The following PRUNE2 variants were observed in gnomAD, a reference collection of about 807,000 sequenced individuals.
PRUNE2 encodes prune homolog 2 with BCH domain.
A neutral mutation model predicts 252.0 loss-of-function variants in PRUNE2; 164 were observed. That is an observed-to-expected ratio of 0.65 (90% CI 0.57 to 0.74). The LOEUF is 0.74. Among genes scored for constraint, PRUNE2 ranks in the 30% least tolerant of loss-of-function variants. The probability of loss-of-function intolerance (pLI) is 0.00; values close to 1 mark genes in which losing one functional copy is unlikely to be tolerated. For synonymous variants in PRUNE2, 1,292 were observed against 1,350.2 expected (o/e 0.96, Z 0.94); for missense variants, 3,495 against 3,711.0 (o/e 0.94, Z 1.51).
At chr9:76,733,928 T>G (rs909676343) in intron 6 of PRUNE2, among the ~76,000 whole-genome samples, 2 of 151,904 alleles carry the variant, frequency 1.3e-5, no homozygotes, top group Admixed American at 1.3e-4. Context: ...TTTAGTTGTT[T>G]TTTTTTTTTC....
At chr9:76,620,282 G>T (rs930108815) in intron 17 of PRUNE2, among the ~76,000 whole-genome samples, 4 of 151,916 alleles carry the variant, frequency 2.6e-5, no homozygotes, top group African/African-American at 9.7e-5. Context: ...TGGGACTACA[G>T]CTGCATGCCA....
At chr9:76,797,843 C>T (rs566850264) in intron 6 of PRUNE2, among the ~76,000 whole-genome samples, 6 of 152,308 alleles carry the variant, frequency 3.9e-5, no homozygotes, top group African/African-American at 1.4e-4. Context: ...CATAAACATA[C>T]AGGCAGGGTC....
At chr9:76,840,118 T>C (rs568774124) in intron 4 of PRUNE2, among the ~76,000 whole-genome samples, 2 of 152,172 alleles carry the variant, frequency 1.3e-5, no homozygotes, top group South Asian at 2.1e-4. Flanking sequence ...TGTATAATAT[T>C]TAAAGTCTTG....
At chr9:76,616,319 C>G (rs1004409766) in intron 18 of PRUNE2, among the ~76,000 whole-genome samples, 7 of 152,152 alleles carry the variant, frequency 4.6e-5, no homozygotes, top group Non-Finnish European at 8.8e-5. Flanking sequence ...TTAAAAGGTC[C>G]TTCCTGTTCC....
At chr9:76,883,280 C>T (rs2061899056) in intron 1 of PRUNE2, among the ~76,000 whole-genome samples, 1 of 152,170 alleles carries the variant, frequency 6.6e-6, no homozygotes, top group Non-Finnish European at 1.5e-5. Context: ...CATCTTACTC[C>T]CCACAGTAAA....
At chr9:76,826,446 C>A in intron 5 of PRUNE2, 134 bp downstream of exon 5, 2 of 650,916 alleles carry the variant, frequency 3.1e-6, no homozygotes, top group Admixed American at 5.7e-5. Flanking sequence ...GCACTCCAGC[C>A]TGGGGGATAG....
Position 76,705,037 on chromosome 9 carries a change from C to G in PRUNE2, c.7237G>C (p.Glu2413Gln). ...EPAQSAETIE[E>Q]AGSPEDESLG... ...GATTCATCCTCTGGAGACCCAGCTT[C>G]CTCTATTGTTTCAGCACTCTGGGCA... Residue 2413 changes from glutamate (E) to glutamine (Q), a missense_variant, in exon 8 of 19, where the codon GAA becomes CAA. Physicochemically the swap from Glu to Gln is conservative, Grantham distance 29. Coordinates refer to ENST00000376718, the MANE Select transcript of PRUNE2 (RefSeq NM_015225.3). The G allele has an allele frequency of 6.2e-7, 1 of 1,613,974 alleles. No homozygotes were observed. Among genetic ancestry groups the G allele is most frequent in the Non-Finnish European group, 8.5e-7 (1 of 1,179,884 alleles).
chr9:76,824,646 C>T (rs547149309), intron 5 of PRUNE2, among the ~76,000 whole-genome samples: 1 of 152,222 alleles, frequency 6.6e-6, no homozygotes, highest in African/African-American at 2.4e-5. Context: ...AATTCTCGCG[C>T]TACATTATTA....
Position 76,707,175 on chromosome 9 carries a change from T to C in PRUNE2, c.5099A>G (p.Glu1700Gly). 1.2e-6 allele frequency: 2 copies of C among 1,613,996 alleles called. No individual in the cohort carries two copies. Among genetic ancestry groups the C allele is most frequent in the Non-Finnish European group, 1.7e-6 (2 of 1,179,886 alleles). The change falls in exon 8 of 19, where the codon GAA becomes GGA. Residue 1700 changes from glutamate to glycine, a missense_variant. Coordinates refer to ENST00000376718, the MANE Select transcript of PRUNE2 (RefSeq NM_015225.3). ...DSVGGEESIE[E>G]EIQVANCHVA... ...GTGGCAGTTGGCCACCTGGATCTCT[T>C]CCTCTATTGACTCTTCACCACCGAC...
At position 76,905,917 on chromosome 9, in the gene PRUNE2, A is replaced by G. The variant is rs747678300; in HGVS notation, c.36+11T>C. On this transcript the variant is annotated intron_variant, in intron 1 of 18. Transcript: ENST00000376718. ...CGCGCGCACACACACAGCTTTGCTC[A>G]CTCAACTTACCAGTTTAGATTTGGC... 5.0e-6 allele frequency: 8 copies of G among 1,614,020 alleles called. No individual in the cohort carries two copies. The highest frequency in any genetic ancestry group is 2.2e-5 in the East Asian group (1 of 44,848).
chr9:76,880,719 G>A (rs1178410594), intron 1 of PRUNE2, among the ~76,000 whole-genome samples: 2 of 152,224 alleles, frequency 1.3e-5, no homozygotes, highest in African/African-American at 2.4e-5. Context: ...TTATCTAGAA[G>A]TAAAAGCAAT....
At chr9:76,905,097 T>C (rs2063401832) in intron 1 of PRUNE2, among the ~76,000 whole-genome samples, 2 of 152,134 alleles carry the variant, frequency 1.3e-5, no homozygotes, top group South Asian at 4.1e-4. Flanking sequence ...AGGCTTTTCT[T>C]TTTTTTTCTG....
chr9:76,669,049 T>C (rs2040789928), intron 9 of PRUNE2, among the ~76,000 whole-genome samples: 1 of 151,762 alleles, frequency 6.6e-6, no homozygotes, highest in African/African-American at 2.4e-5. Context: ...CCTACTGGAT[T>C]AGGGCCTACC....
At chr9:76,639,784 G>A (rs1841773908) in intron 12 of PRUNE2, among the ~76,000 whole-genome samples, 1 of 152,208 alleles carries the variant, frequency 6.6e-6, no homozygotes, top group South Asian at 2.1e-4. Context: ...AGGAGCTGCT[G>A]AGAAAACAGC....
intron 6 of PRUNE2, chr9:76,823,384 T>C (rs922583493): frequency 2.2e-6 from 1 of 450,066 alleles, no homozygotes; most frequent in African/African-American, 1.9e-5. Flanking sequence ...TGAGTGTTTG[T>C]TTTAGGCTTT....
At chr9:76,716,762 T>C (rs1439020313) in intron 6 of PRUNE2, among the ~76,000 whole-genome samples, 2 of 152,186 alleles carry the variant, frequency 1.3e-5, no homozygotes, top group Admixed American at 1.3e-4. Flanking sequence ...ATGTGTGCCA[T>C]GGTGGTTTGC....
chr9:76,751,116 T>C (rs562423693), intron 6 of PRUNE2, among the ~76,000 whole-genome samples: 1 of 152,348 alleles, frequency 6.6e-6, no homozygotes, highest in South Asian at 2.1e-4. Context: ...GCACAAGAAG[T>C]TGAACTTCCT....
chr9:76,740,506 C>G (rs547699354), intron 6 of PRUNE2: 10 of 149,816 alleles, frequency 6.7e-5, no homozygotes, highest in Non-Finnish European at 1.5e-4. Flanking sequence ...AGCCCCAACA[C>G]GAGTCAATTC....
rs1338551240 is a variant in PRUNE2, at chr9:76,706,320, G to T, written c.5954C>A (p.Ser1985Tyr). Residue 1985 changes from serine to tyrosine, a missense_variant, in exon 8 of 19, where the codon TCT becomes TAT. Coordinates refer to ENST00000376718, the MANE Select transcript of PRUNE2 (RefSeq NM_015225.3). ...THAEENSCVT[S>Y]NVSTNEGQET... ...TTGACCTTCATTAGTTGAAACATTA[G>T]ATGTAACACAACTATTTTCCTCTGC... The T allele has an allele frequency of 6.2e-7, 1 of 1,613,762 alleles. No individual in the cohort carries two copies. Among genetic ancestry groups the T allele is most frequent in the Non-Finnish European group, 8.5e-7 (1 of 1,179,810 alleles).
Sources: allele counts gnomAD v4.1 joint callset (sites outside exome capture counted in the v4.1 genomes callset), GRCh38; gene constraint gnomAD v4.1.1; transcripts MANE v1.5; gene names NCBI Gene and HGNC (gene_info 2026-07-23, HGNC 2026-07-21).